Variants in GLI3 observed in about 807,000 individuals in gnomAD.
GLI3 encodes the protein GLI family zinc finger 3, also known as transcription activator GLI3.
GLI3 carries 20 observed loss-of-function variants against 100.8 expected under a neutral mutation model. That is an observed-to-expected ratio of 0.20 (90% confidence interval 0.14 to 0.29). The LOEUF (loss-of-function observed/expected upper bound fraction) is 0.29. Ranked by LOEUF, GLI3 falls within the 10% of genes least tolerant of loss-of-function variation. The probability of loss-of-function intolerance (pLI) is 1.00; values close to 1 mark genes in which losing one functional copy is unlikely to be tolerated. For missense variants in GLI3, 2,040 were observed against 2,128.5 expected (o/e 0.96, Z 0.82); for synonymous variants, 938 against 860.5 (o/e 1.09, Z -1.58).
At chr7:42,206,810 T>C (rs955079362) in intron 2 of GLI3, among the ~76,000 whole-genome samples, 7 of 152,158 alleles carry the variant, frequency 4.6e-5, no homozygotes, top group Non-Finnish European at 7.4e-5. Context: ...CAGTAACCAA[T>C]GCAGGTATCA....
rs17172004 is a variant in GLI3 at position 42,077,105 on chromosome 7, G to A, written c.368-248C>T. Among the ~76,000 whole-genome samples the A allele has an allele frequency of 0.082, 12,444 of 152,164 alleles. 1,046 individuals carry two copies. Among genetic ancestry groups the A allele is most frequent in the African/African-American group, 0.22 (9,008 of 41,474 alleles). ...CTGACTGCAACTCAAACCCAGACAC[G>A]AAAGCAAGAAAGAGAGGAGCAACAC... On this transcript the variant is annotated intron_variant, in intron 3 of 14. Transcript: ENST00000395925.
chr7:42,202,342 TCTCTCACA>T (rs1224786364), intron 2 of GLI3, among the ~76,000 whole-genome samples: 5,792 of 42,546 alleles, frequency 0.14, 102 homozygotes, highest in Non-Finnish European at 0.22. Flanking sequence ...TCTCTCTCTC[TCTCTCACA>T]CACACACACA....
At chr7:42,170,397 C>CTTTT (rs1185274818) in intron 2 of GLI3, among the ~76,000 whole-genome samples, 40 of 81,084 alleles carry the variant, frequency 4.9e-4, no homozygotes, top group Non-Finnish European at 7.5e-4. Flanking sequence ...ACTTACTGAT[C>CTTTT]TTTTTTTTTT....
At chr7:42,015,006 T>G (rs184972948) in intron 10 of GLI3, among the ~76,000 whole-genome samples, 20 of 152,362 alleles carry the variant, frequency 1.3e-4, no homozygotes, top group African/African-American at 4.3e-4. Context: ...TTGCTATGGA[T>G]TTTTCCTTAT....
upstream of GLI3, among the ~76,000 whole-genome samples, chr7:42,240,880 C>T (rs115043255): frequency 8.4e-3 from 1,278 of 152,304 alleles, 16 homozygotes; most frequent in African/African-American, 0.029. Context: ...TCACGTGCTC[C>T]TCTGATTCCT....
In GLI3 at chr7:42,252,769, A is replaced by G. The variant is rs1036008985; in HGVS notation, c.-43+11225T>C. Among the ~76,000 whole-genome samples the G allele has an allele frequency of 2.0e-5, 3 of 152,310 alleles. No individual in the cohort carries two copies. The East Asian group carries it at 5.8e-4, about 29-fold the overall frequency. ...TGAAACACTTGAGCTTGCTTCCACA[A>G]ACATAACTTTTATATAACAGATTTT... On this transcript the variant is annotated intron_variant, in intron 1 of 2. Coordinates refer to the GLI3 transcript ENST00000678978.
chr7:42,189,520 C>G (rs1405594860), intron 2 of GLI3, among the ~76,000 whole-genome samples: 1 of 152,120 alleles, frequency 6.6e-6, no homozygotes, highest in African/African-American at 2.4e-5. Flanking sequence ...TCAGGAAAAG[C>G]TGTAATCAGC....
At chr7:42,177,289 G>C (rs879746300) in intron 2 of GLI3, among the ~76,000 whole-genome samples, 1 of 152,142 alleles carries the variant, frequency 6.6e-6, no homozygotes, top group African/African-American at 2.4e-5. Flanking sequence ...AGAGACGGAG[G>C]CAGCAGGAGG....
chr7:42,189,424 G>A (rs79466256), intron 2 of GLI3, among the ~76,000 whole-genome samples: 11,096 of 152,220 alleles, frequency 0.073, 424 homozygotes, highest in Middle Eastern at 0.099. Context: ...TCAATAGTTA[G>A]CATTTCAGAA....
chr7:42,081,679 G>A (rs925241909), intron 3 of GLI3, among the ~76,000 whole-genome samples: 4 of 152,114 alleles, frequency 2.6e-5, no homozygotes, highest in East Asian at 3.9e-4. Flanking sequence ...CTTCTCCCAA[G>A]AAATAGTTAT....
Position 41,977,560 on chromosome 7 carries a change from C to T in GLI3, c.1810G>A (p.Glu604Lys). 1.2e-6 allele frequency: 2 copies of T among 1,614,132 alleles called. No individual in the cohort carries two copies. Among genetic ancestry groups the T allele is most frequent in the Non-Finnish European group, 8.5e-7 (1 of 1,179,984 alleles). Residue 604 changes from glutamate (E) to lysine (K), a missense_variant and splice_region_variant, in exon 12 of 15, where the codon GAG (glutamate) becomes AAG (lysine). By Grantham distance (56) the Glu-to-Lys change is moderately conservative. Around this residue, in one of 5 missense-constraint regions of GLI3, gnomAD observed 61 missense variants for 150.9 expected, o/e 0.40. Coordinates refer to ENST00000395925, the MANE Select transcript of GLI3 (RefSeq NM_000168.6). ...CCATGCCCACTGAGGATGCTTACCT[C>T]ATTGGAATGCGTTCTGTTTTGGTGT... ...AKHQNRTHSN[E>K]KPYVCKIPGC...
chr7:42,244,325 C>T (rs139773588), intron 1 of GLI3, among the ~76,000 whole-genome samples: 49 of 152,290 alleles, frequency 3.2e-4, no homozygotes, highest in Non-Finnish European at 5.6e-4. Flanking sequence ...ATTCATTCTG[C>T]TAACTTCTTA....
At chr7:42,210,574 C>T (rs759627018) in intron 2 of GLI3, among the ~76,000 whole-genome samples, 1 of 152,090 alleles carries the variant, frequency 6.6e-6, no homozygotes, top group Non-Finnish European at 1.5e-5. Context: ...AATATTATCA[C>T]TTCTTTATTA....
At chr7:42,062,264 G>T (rs557068147) in intron 4 of GLI3, among the ~76,000 whole-genome samples, 2 of 152,278 alleles carry the variant, frequency 1.3e-5, no homozygotes, top group South Asian at 4.1e-4. Flanking sequence ...TCATTGCTTA[G>T]CTTTGACCAT....
Position 42,076,830 on chromosome 7 carries a change from T to C in GLI3, c.395A>G (p.His132Arg), listed in dbSNP as rs1285055291. 1.2e-6 allele frequency: 2 copies of C among 1,612,922 alleles called. No individual in the cohort carries two copies. Among genetic ancestry groups the C allele is most frequent in the Admixed American group, 1.7e-5 (1 of 60,016 alleles). Reference protein sequence around the residue: ...YHPPHLFPAFHPPVPIDARHH... With the variant: ...YHPPHLFPAFRPPVPIDARHH... ...TCTGGCATCAATTGGTACAGGAGGATGGAAGGCAGGGAAAAGATGAGGAGG... is the reference window on the plus strand; with the variant it reads ...TCTGGCATCAATTGGTACAGGAGGACGGAAGGCAGGGAAAAGATGAGGAGG... The change falls in exon 4 of 15, where the codon CAT becomes CGT. Residue 132 changes from histidine (H) to arginine (R), a missense_variant. By Grantham distance (29) the His-to-Arg change is conservative. This residue lies in a region of GLI3 where 603 missense variants were observed against 690.9 expected (regional missense o/e 0.87). Coordinates refer to ENST00000395925, the MANE Select transcript of GLI3 (RefSeq NM_000168.6).
intron 4 of GLI3, 142 bp from the exon 5 acceptor site, chr7:42,048,838 T>C (rs2128742785): frequency 1.5e-6 from 1 of 678,886 alleles, no homozygotes; most frequent in South Asian, 1.7e-5. Context: ...CAAATACATA[T>C]TAGTACTATT....
intron 10 of GLI3, among the ~76,000 whole-genome samples, chr7:41,998,490 C>A (rs970896307): frequency 9.2e-5 from 14 of 152,138 alleles, no homozygotes; most frequent in African/African-American, 3.4e-4. Context: ...TTCCATGGCC[C>A]TCACTTATAT....
intron 10 of GLI3, among the ~76,000 whole-genome samples, chr7:42,009,480 C>CTTTTTT (rs3030324): frequency 1.3e-4 from 15 of 118,362 alleles, no homozygotes; most frequent in East Asian, 2.4e-4. Flanking sequence ...GCAAATTGTT[C>CTTTTTT]TTTTTTTTTT....
At chr7:42,239,670 G>T (rs1788904337), upstream of GLI3, among the ~76,000 whole-genome samples, 1 of 152,156 alleles carries the variant, frequency 6.6e-6, no homozygotes, top group South Asian at 2.1e-4. Flanking sequence ...GAATCATGAA[G>T]ATCTTGATTT....
Sources: gnomAD v4.1 joint callset for allele counts (sites outside exome capture counted in the v4.1 genomes callset) on GRCh38, gnomAD v4.1.1 for gene constraint, gnomAD v4.1.1 regional missense constraint, MANE v1.5 for transcripts, NCBI Gene and HGNC (gene_info 2026-07-23, HGNC 2026-07-21) for gene names.